The following HTR7 variants were observed in gnomAD, a reference collection of about 807,000 sequenced individuals.
HTR7 encodes 5-HT-7.
Under a neutral mutation model 34.0 loss-of-function variants are expected in HTR7, and 16 were observed. The ratio of observed to expected loss-of-function variants is 0.47; its 90% CI spans 0.32 to 0.71. The LOEUF (loss-of-function observed/expected upper bound fraction) is 0.71, where lower values mean the gene tolerates loss of function less well. Ranked by LOEUF, HTR7 falls within the 30% of genes least tolerant of loss-of-function variation. The probability of loss-of-function intolerance (pLI) is 0.04; values close to 1 mark genes in which losing one functional copy is unlikely to be tolerated. For missense variants in HTR7, 504 were observed against 625.5 expected (o/e 0.81, Z 2.07); for synonymous variants, 265 against 260.2 (o/e 1.02, Z -0.18).
At chr10:90,788,434 T>A (rs1328489743) in intron 1 of HTR7, among the ~76,000 whole-genome samples, 1 of 152,204 alleles carries the variant, frequency 6.6e-6, no homozygotes, top group Non-Finnish European at 1.5e-5. Flanking sequence ...GGCCTACATA[T>A]ATACATCTAC....
chr10:90,794,292 G>A (rs1046173137), intron 1 of HTR7, among the ~76,000 whole-genome samples: 11 of 152,222 alleles, frequency 7.2e-5, no homozygotes, highest in African/African-American at 1.2e-4. Context: ...CATCTCTTGC[G>A]ATAAAAAATA....
intron 2 of HTR7, 118 bp from the exon 3 acceptor site, chr10:90,743,808 C>T (rs1182634516): frequency 1.2e-6 from 1 of 809,576 alleles, no homozygotes; most frequent in Non-Finnish European, 2.1e-6. Context: ...TCTGTGAATA[C>T]TTGTGAAAAG....
chr10:90,831,132 A>G (rs1384568090), intron 1 of HTR7, among the ~76,000 whole-genome samples: 1 of 152,230 alleles, frequency 6.6e-6, no homozygotes, highest in African/African-American at 2.4e-5. Flanking sequence ...GGGTAGTTCA[A>G]GAAGACTATT....
intron 1 of HTR7, among the ~76,000 whole-genome samples, chr10:90,758,664 C>T (rs576893641): frequency 3.3e-5 from 5 of 151,870 alleles, no homozygotes; most frequent in African/African-American, 1.2e-4. Flanking sequence ...ATCTTACCAG[C>T]AAAAGGACAC....
chr10:90,779,114 G>C (rs1296855077), intron 1 of HTR7, among the ~76,000 whole-genome samples: 3 of 152,158 alleles, frequency 2.0e-5, no homozygotes, highest in African/African-American at 7.2e-5. Flanking sequence ...TTTTAAACAT[G>C]CCACTTCATA....
At chr10:90,839,878 A>G (rs1291563871) in intron 1 of HTR7, among the ~76,000 whole-genome samples, 1 of 152,174 alleles carries the variant, frequency 6.6e-6, no homozygotes, top group African/African-American at 2.4e-5. Flanking sequence ...TCACACAGGA[A>G]TTGACTGTAA....
intron 1 of HTR7, among the ~76,000 whole-genome samples, chr10:90,750,788 AAATTAGCATCACTAT>A (rs1342871190): frequency 6.6e-6 from 1 of 152,240 alleles, no homozygotes; most frequent in African/African-American, 2.4e-5. Flanking sequence ...TTCACAATGA[AAATTAGCATCACTAT>A]AACACTTACA....
intron 1 of HTR7, among the ~76,000 whole-genome samples, chr10:90,806,458 G>T (rs1287580227): frequency 1.3e-5 from 2 of 152,186 alleles, no homozygotes; most frequent in East Asian, 3.9e-4. Context: ...AATTAGCCGG[G>T]CGTGGTGGCG....
Position 90,857,458 on chromosome 10 carries a change from C to T in HTR7, c.214G>A (p.Glu72Lys). ...TCGACTCTGCCGTAGTTGATCTGTTCCCCACAGCCGGAGGCATTGTCCGGG... is the reference window on the plus strand; with the variant it reads ...TCGACTCTGCCGTAGTTGATCTGTTTCCCACAGCCGGAGGCATTGTCCGGG... ...APPDNASGCG[E>K]QINYGRVEKV... The change falls in exon 1 of 4, where the codon GAA becomes AAA. Residue 72 changes from glutamate (E) to lysine (K), a missense_variant. Around this residue, in one of 4 missense-constraint regions of HTR7, gnomAD observed 139 missense variants for 117.1 expected, o/e 1.19. Coordinates refer to ENST00000336152, the MANE Select transcript of HTR7 (RefSeq NM_019859.4). This position sits in a 1 kb window ranked among gnomAD's most constrained non-coding sequence, Gnocchi z 6.5. 1 of 1,613,946 alleles carries T rather than the reference C, an allele frequency of 6.2e-7. No homozygotes were observed. The highest frequency in any genetic ancestry group is 8.5e-7 in the Non-Finnish European group (1 of 1,180,032).
chr10:90,758,725 C>T (rs1844880474), intron 1 of HTR7, among the ~76,000 whole-genome samples: 1 of 151,886 alleles, frequency 6.6e-6, no homozygotes, highest in Admixed American at 6.6e-5. Flanking sequence ...TGATACTTAT[C>T]CTAGTAAAGT....
chr10:90,782,280 A>G (rs1384216709), intron 1 of HTR7, among the ~76,000 whole-genome samples: 1 of 152,188 alleles, frequency 6.6e-6, no homozygotes, highest in African/African-American at 2.4e-5. Flanking sequence ...AGAAGGCTTA[A>G]TCTTGAGCAA....
intron 1 of HTR7, among the ~76,000 whole-genome samples, chr10:90,816,955 A>G (rs548769855): frequency 6.6e-6 from 1 of 152,352 alleles, no homozygotes; most frequent in African/African-American, 2.4e-5. Flanking sequence ...CCTGCCCTCT[A>G]TGCCATCTGG....
intron 1 of HTR7, among the ~76,000 whole-genome samples, chr10:90,786,692 T>C (rs1052533341): frequency 6.6e-6 from 1 of 152,246 alleles, no homozygotes; most frequent in Non-Finnish European, 1.5e-5. Context: ...ATTGCAGTTC[T>C]ACACACAGCG....
At chr10:90,834,689 A>G (rs564967101) in intron 1 of HTR7, among the ~76,000 whole-genome samples, 3 of 152,250 alleles carry the variant, frequency 2.0e-5, no homozygotes, top group Admixed American at 1.3e-4. Flanking sequence ...TTGTCCAATG[A>G]GGGCTTCTTC....
intron 1 of HTR7, among the ~76,000 whole-genome samples, chr10:90,839,530 C>G (rs2120083066): frequency 6.6e-6 from 1 of 152,174 alleles, no homozygotes; most frequent in Non-Finnish European, 1.5e-5. Flanking sequence ...CCCAGAAAAA[C>G]AGAATACTCA....
chr10:90,844,875 G>C (rs192632245), intron 1 of HTR7, among the ~76,000 whole-genome samples: 2 of 147,274 alleles, frequency 1.4e-5, no homozygotes, highest in African/African-American at 5.0e-5. Flanking sequence ...AATTAAATAA[G>C]AATCTCTAGG....
At chr10:90,784,725 T>C (rs1322375175) in intron 1 of HTR7, among the ~76,000 whole-genome samples, 1 of 152,216 alleles carries the variant, frequency 6.6e-6, no homozygotes, top group Admixed American at 6.5e-5. Context: ...TTATCCTATG[T>C]GGAGCCAACA....
chr10:90,758,729 G>A (rs1335407500), intron 1 of HTR7, among the ~76,000 whole-genome samples: 1 of 152,006 alleles, frequency 6.6e-6, no homozygotes, highest in Non-Finnish European at 1.5e-5. Flanking sequence ...ACTTATCCTA[G>A]TAAAGTTATT....
At chr10:90,746,838 C>T (rs1400269533) in intron 2 of HTR7, among the ~76,000 whole-genome samples, 1 of 152,156 alleles carries the variant, frequency 6.6e-6, no homozygotes, top group African/African-American at 2.4e-5. Flanking sequence ...GCCTTATTTC[C>T]TTCATCTGAG....
Sources: allele counts gnomAD v4.1 joint callset (sites outside exome capture counted in the v4.1 genomes callset), GRCh38; gene constraint gnomAD v4.1.1; regional missense constraint gnomAD v4.1.1; non-coding constraint Gnocchi (gnomAD v3.1); transcripts MANE v1.5; gene names NCBI Gene and HGNC (gene_info 2026-07-23, HGNC 2026-07-21).